ADAMTS18: variants seen among roughly 807,000 people sequenced by gnomAD.
The protein encoded by ADAMTS18 is A disintegrin and metalloproteinase with thrombospondin motifs 18.
In ADAMTS18, 157 loss-of-function variants were observed where a neutral mutation model predicts 165.9. That is an observed-to-expected ratio of 0.95 (90% CI 0.83 to 1.08). ADAMTS18 has a LOEUF of 1.08. Among genes scored for constraint, ADAMTS18 ranks in the 50% least tolerant of loss-of-function variants. The pLI, the probability that ADAMTS18 is intolerant of heterozygous loss-of-function variation, is 0.00. For missense variants in ADAMTS18, 2,040 were observed against 1,534.0 expected, an observed-to-expected ratio of 1.33 and a Z score of -5.51; for synonymous variants, 782 against 578.2, an observed-to-expected ratio of 1.35 and a Z score of -5.06.
Position 77,335,817 on chromosome 16 carries a change from C to G in ADAMTS18, c.1798G>C (p.Glu600Gln). ...CCTCCACCACATGTCCGGGAACATT[C>G]TGACCACTTCGACCAGGCGGACCAC... is the stretch of plus-strand genomic sequence containing the variant. ...GQWSAWSKWSECSRTCGGGVK... is the reference protein window; with the variant it reads ...GQWSAWSKWSQCSRTCGGGVK... The change falls in exon 12 of 23, where the codon GAA becomes CAA. Residue 600 changes from glutamate (E) to glutamine (Q), a missense_variant. By Grantham distance (29) the Glu-to-Gln change is conservative. Transcript: ENST00000282849. 1 of 1,614,232 alleles carries G rather than the reference C, an allele frequency of 6.2e-7. No individual in the cohort carries two copies. The highest frequency in any genetic ancestry group is 8.5e-7 in the Non-Finnish European group (1 of 1,180,050).
rs77467620 is a variant in ADAMTS18, at chr16:77,347,710, A to T, written c.1615-5911T>A. 2.6e-5 allele frequency among the ~76,000 whole-genome samples: 4 copies of T among 152,210 alleles called. No individual in the cohort carries two copies. In the East Asian group the frequency reaches 7.7e-4, roughly 29 times the overall value. ...GTCTCCTTCTGTGATATATTAATTT[A>T]GTATTTTGCTCCTCCCCTCCTTTTT... On this transcript the variant is annotated intron_variant, in intron 10 of 22. Transcript: ENST00000282849.
intron 3 of ADAMTS18, among the ~76,000 whole-genome samples, chr16:77,399,663 G>A (rs969963012): frequency 5.3e-5 from 8 of 152,142 alleles, no homozygotes; most frequent in African/African-American, 1.9e-4. Flanking sequence ...GTTGTCTGGG[G>A]CTGCAAGTAA....
intron 3 of ADAMTS18, among the ~76,000 whole-genome samples, chr16:77,373,952 C>T (rs1370313262): frequency 6.6e-6 from 1 of 152,118 alleles, no homozygotes; most frequent in African/African-American, 2.4e-5. Flanking sequence ...GGCATGGTGG[C>T]TCACACTTGT....
At chr16:77,418,619 C>G (rs973077658) in intron 3 of ADAMTS18, among the ~76,000 whole-genome samples, 1 of 152,118 alleles carries the variant, frequency 6.6e-6, no homozygotes, top group African/African-American at 2.4e-5. Context: ...CTGAGAAACC[C>G]TGAGCTAAAC....
chr16:77,404,323 G>C (rs898474424), intron 3 of ADAMTS18, among the ~76,000 whole-genome samples: 26 of 152,166 alleles, frequency 1.7e-4, no homozygotes, highest in African/African-American at 6.0e-4. Context: ...AATAGATTTG[G>C]AGGATACCTT....
chr16:77,434,674 C>A lies in ADAMTS18; in HGVS notation c.22G>T (p.Ala8Ser). 3.4e-6 allele frequency: 5 copies of A among 1,478,422 alleles called. No individual in the cohort carries two copies. Among genetic ancestry groups the A allele is most frequent in the South Asian group, 1.3e-5 (1 of 78,450 alleles). 91.6% of individuals were successfully genotyped at this position (1,478,422 alleles called of 1,614,324 possible). The change falls in exon 1 of 23, where the codon GCG (alanine) becomes TCG (serine). Residue 8 changes from alanine (A) to serine (S), a missense_variant. Physicochemically the swap from Ala to Ser is moderately conservative, Grantham distance 99. Transcript: ENST00000282849. ...GAACCCGCAGCCGGGAAGGCACACG[C>A]GAGCAGGAGGGCGCACTCCATGGTC... Reference protein sequence around the residue: MECALLLACAFPAAGSGP... With the variant: MECALLLSCAFPAAGSGP...
chr16:77,363,068 C>T (rs1418161461), intron 6 of ADAMTS18, among the ~76,000 whole-genome samples: 1 of 152,010 alleles, frequency 6.6e-6, no homozygotes, highest in Non-Finnish European at 1.5e-5. Context: ...TTTTTACTGG[C>T]GTTACAGAAG....
At chr16:77,331,845 C>T (rs1258336220) in intron 12 of ADAMTS18, among the ~76,000 whole-genome samples, 5 of 152,156 alleles carry the variant, frequency 3.3e-5, no homozygotes, top group African/African-American at 7.2e-5. Context: ...GCACCTAACA[C>T]GTGATGGGCA....
chr16:77,424,691 A>G (rs1233427926), intron 3 of ADAMTS18, among the ~76,000 whole-genome samples: 1 of 152,138 alleles, frequency 6.6e-6, no homozygotes, highest in Admixed American at 6.5e-5. Flanking sequence ...AGAAGCCAGA[A>G]CAAAATAACA....
At chr16:77,356,840 T>C (rs2056638196) in intron 8 of ADAMTS18, among the ~76,000 whole-genome samples, 1 of 152,134 alleles carries the variant, frequency 6.6e-6, no homozygotes, top group African/African-American at 2.4e-5. Context: ...GAAGAATAAA[T>C]GTGACATTAA....
chr16:77,306,562 T>G (rs559894782), intron 16 of ADAMTS18, among the ~76,000 whole-genome samples: 52 of 152,354 alleles, frequency 3.4e-4, no homozygotes, highest in African/African-American at 1.2e-3. Context: ...GGCCTCTTTT[T>G]TTCTTCTTCT....
intron 3 of ADAMTS18, among the ~76,000 whole-genome samples, chr16:77,425,277 C>T (rs933788499): frequency 2.6e-5 from 4 of 152,036 alleles, no homozygotes; most frequent in South Asian, 2.1e-4. Context: ...AAAAGAGAAA[C>T]GAGGGGAAAC....
At position 77,404,691 on chromosome 16, in the gene ADAMTS18, G is replaced by C. The variant is rs1001698554; in HGVS notation, c.495+26604C>G. ...CAAACCACGTCATTCTGTCCATCTT[G>C]TTTTCTAATGTATTTCTCACAGAGT... is the stretch of plus-strand genomic sequence containing the variant. On this transcript the variant is annotated intron_variant, in intron 3 of 22. Transcript: ENST00000282849. Among the ~76,000 whole-genome samples, 3 of 152,076 alleles carry C rather than the reference G, an allele frequency of 2.0e-5. No homozygotes were observed. In the East Asian group the frequency reaches 5.8e-4, roughly 29 times the overall value.
rs746759930 is a variant in ADAMTS18 at position 77,431,456 on chromosome 16, G to T, written c.334C>A (p.Leu112Ile). The T allele has an allele frequency of 2.5e-6, 4 of 1,614,220 alleles. No homozygotes were observed. The African/African-American group carries it at 4.0e-5, about 16-fold the overall frequency. The stretch of plus-strand genomic sequence containing the variant: ...CTGCTCAAAATCGCCGAGGGCTTAA[G>T]TTCTAAGTGCAGTTCCTGTCCAAAT... The part of the protein sequence containing the change: ...SAFGQELHLE[L>I]KPSAILSSHF... Residue 112 changes from leucine to isoleucine, a missense_variant, in exon 3 of 23, where the codon CTT becomes ATT. Coordinates refer to ENST00000282849, the MANE Select transcript of ADAMTS18 (RefSeq NM_199355.4).
chr16:77,314,143 A>C (rs1240371653), intron 16 of ADAMTS18, among the ~76,000 whole-genome samples: 8 of 152,130 alleles, frequency 5.3e-5, no homozygotes, highest in African/African-American at 1.7e-4. Flanking sequence ...CGTCCACCAA[A>C]CAGATGGACT....
intron 12 of ADAMTS18, among the ~76,000 whole-genome samples, chr16:77,332,307 C>T (rs143874426): frequency 2.6e-5 from 4 of 152,264 alleles, no homozygotes; most frequent in African/African-American, 7.2e-5. Flanking sequence ...AAGTCAGTTT[C>T]GTCAGTAAAG....
At chr16:77,385,039 G>A (rs1469783045) in intron 3 of ADAMTS18, among the ~76,000 whole-genome samples, 2 of 151,812 alleles carry the variant, frequency 1.3e-5, no homozygotes, top group South Asian at 2.1e-4. Context: ...CTCCCAAGTA[G>A]CTGGGATTAC....
intron 3 of ADAMTS18, among the ~76,000 whole-genome samples, chr16:77,424,852 A>G (rs1219254082): frequency 6.6e-6 from 1 of 152,156 alleles, no homozygotes; most frequent in Non-Finnish European, 1.5e-5. Flanking sequence ...GAAAAGCTCC[A>G]AGGGGGTGTA....
chr16:77,365,433 C>G (rs928398672), intron 4 of ADAMTS18, among the ~76,000 whole-genome samples: 1 of 152,182 alleles, frequency 6.6e-6, no homozygotes, highest in Non-Finnish European at 1.5e-5. Flanking sequence ...TCAACACAGA[C>G]TTTAACATAG....
Sources: allele counts gnomAD v4.1 joint callset (sites outside exome capture counted in the v4.1 genomes callset), GRCh38; gene constraint gnomAD v4.1.1; transcripts MANE v1.5; gene names NCBI Gene and HGNC (gene_info 2026-07-23, HGNC 2026-07-21).